Variants in TMC2 observed in about 807,000 individuals in gnomAD.
TMC2 encodes the protein transmembrane channel like 2.
TMC2 carries 102 observed loss-of-function variants against 105.9 expected under a neutral mutation model. That is an observed-to-expected ratio of 0.96 (90% confidence interval 0.82 to 1.14). TMC2 has a LOEUF of 1.14. Among genes scored for constraint, TMC2 ranks in the 50% most tolerant of loss-of-function variants. TMC2 has a pLI of 0.00. For missense variants in TMC2, 1,093 were observed against 1,134.3 expected (o/e 0.96, Z 0.52); for synonymous variants, 402 against 422.8 (o/e 0.95, Z 0.60).
chr20:2,635,823 G>A, intron 17 of TMC2, 103 bp from the exon 18 acceptor site: 1 of 921,538 alleles, frequency 1.1e-6, no homozygotes, highest in South Asian at 1.3e-5. Flanking sequence ...CAAAGCCTCA[G>A]TAACTATTCC....
intron 16 of TMC2, 38 bp from the exon 17 acceptor site, chr20:2,624,233 A>G (rs371044428): frequency 6.2e-7 from 1 of 1,601,700 alleles, no homozygotes; most frequent in South Asian, 1.1e-5. Context: ...CCACAGGCAC[A>G]TGGCAGCATG....
chr20:2,593,116 T>C (rs924245629), intron 8 of TMC2, among the ~76,000 whole-genome samples: 3 of 152,094 alleles, frequency 2.0e-5, no homozygotes, highest in African/African-American at 7.2e-5. Context: ...GCAATCACAG[T>C]GGAAGGCAAA....
chr20:2,593,502 T>C (rs982297845), intron 8 of TMC2, among the ~76,000 whole-genome samples: 6 of 152,192 alleles, frequency 3.9e-5, no homozygotes, highest in African/African-American at 1.4e-4. Flanking sequence ...CTATTGCCAA[T>C]GTACCAATGA....
chr20:2,565,015 C>G (rs771511119), intron 4 of TMC2, among the ~76,000 whole-genome samples: 8 of 152,196 alleles, frequency 5.3e-5, no homozygotes, highest in African/African-American at 1.9e-4. Context: ...TTGTAAGACT[C>G]GGGCCAAGTG....
intron 14 of TMC2, 144 bp downstream of exon 14, chr20:2,613,466 T>C: frequency 8.0e-7 from 1 of 1,247,570 alleles, no homozygotes; most frequent in Non-Finnish European, 1.1e-6. Context: ...AAGTGTTTAA[T>C]TTGTATTTCC....
At chr20:2,538,020 T>C (rs1243903237) in intron 2 of TMC2, among the ~76,000 whole-genome samples, 1 of 151,288 alleles carries the variant, frequency 6.6e-6, no homozygotes. Context: ...TTCTGGGGGG[T>C]TGGAAGAGAT....
chr20:2,588,159 A>G (rs1460878495), intron 7 of TMC2, among the ~76,000 whole-genome samples: 1 of 152,186 alleles, frequency 6.6e-6, no homozygotes, highest in Non-Finnish European at 1.5e-5. Flanking sequence ...TATTCAAAAC[A>G]TGGGAAGGAT....
chr20:2,616,986 AC>A lies in TMC2; in HGVS notation c.1941-83del. On this transcript the variant is annotated intron_variant, in intron 15 of 19. Transcript: ENST00000358864. The surrounding 1 kb of genome is among the most constrained non-coding windows in gnomAD (Gnocchi z 4.8). ...AAAGCAGCTCGGCCTCATGCCCCTAACCCATCCGTCCCATTTCCTTCTATCA... is the reference window on the plus strand; with the variant it reads ...AAAGCAGCTCGGCCTCATGCCCCTAACCATCCGTCCCATTTCCTTCTATCA... 6 of 1,535,238 alleles carry A rather than the reference AC, an allele frequency of 3.9e-6. No homozygotes were observed. Among genetic ancestry groups the A allele is most frequent in the Non-Finnish European group, 5.3e-6 (6 of 1,124,340 alleles).
chr20:2,627,398 G>C (rs1340622298), intron 17 of TMC2, among the ~76,000 whole-genome samples: 2 of 152,176 alleles, frequency 1.3e-5, no homozygotes, highest in Admixed American at 6.5e-5. Context: ...TGAAGAATTG[G>C]TCAATCATTT....
chr20:2,580,954 G>T (rs2086184950), intron 7 of TMC2, among the ~76,000 whole-genome samples: 1 of 152,188 alleles, frequency 6.6e-6, no homozygotes. Context: ...TGCTACAATT[G>T]CTACAGTCCT....
At chr20:2,598,913 G>A (rs1189503561) in intron 10 of TMC2, among the ~76,000 whole-genome samples, 1 of 151,980 alleles carries the variant, frequency 6.6e-6, no homozygotes, top group Non-Finnish European at 1.5e-5. Flanking sequence ...GAGACAGAAA[G>A]TTTCCTGTGT....
chr20:2,610,401 G>A lies in TMC2; in HGVS notation c.1414-18G>A, dbSNP rs752762852. ...GTATAATGTTGATGACACAACGTAGGCTTTCCTGATTCCTCAGGTAGAGAT... is the reference window on the plus strand; with the variant it reads ...GTATAATGTTGATGACACAACGTAGACTTTCCTGATTCCTCAGGTAGAGAT... On this transcript the variant is annotated intron_variant, in intron 11 of 19. Coordinates refer to ENST00000358864, the MANE Select transcript of TMC2 (RefSeq NM_080751.3). 2 of 1,601,358 alleles carry A rather than the reference G, an allele frequency of 1.2e-6. No individual in the cohort carries two copies. The highest frequency in any genetic ancestry group is 1.1e-5 in the South Asian group (1 of 89,518).
chr20:2,542,524 A>T (rs2085896481), intron 2 of TMC2, among the ~76,000 whole-genome samples: 1 of 152,130 alleles, frequency 6.6e-6, no homozygotes. Flanking sequence ...ACATATATCT[A>T]ATTGCCTTCA....
intron 16 of TMC2, among the ~76,000 whole-genome samples, chr20:2,619,438 G>A (rs992104321): frequency 3.3e-5 from 5 of 152,132 alleles, no homozygotes; most frequent in African/African-American, 4.8e-5. Flanking sequence ...TCATGTGGGA[G>A]GCACTCTCAG....
At chr20:2,595,085 A>ATATGCTTTCTGTGCTCATTT in intron 9 of TMC2, 118 bp downstream of exon 9, 1 of 1,176,940 alleles carries the variant, frequency 8.5e-7, no homozygotes, top group Non-Finnish European at 1.2e-6. Flanking sequence ...GGAAATGAGC[A>ATATGCTTTCTGTGCTCATTT]CAGAAAGCAT....
chr20:2,635,877 T>A, intron 17 of TMC2, 49 bp from the exon 18 acceptor site: 3 of 1,496,162 alleles, frequency 2.0e-6, no homozygotes, highest in Non-Finnish European at 2.8e-6. Context: ...CCAGCTCCTA[T>A]CATCTGCCAA....
intron 2 of TMC2, among the ~76,000 whole-genome samples, chr20:2,545,673 A>T (rs1260677887): frequency 7.2e-6 from 1 of 139,694 alleles, no homozygotes; most frequent in Non-Finnish European, 1.6e-5. Flanking sequence ...CAAACAAAAG[A>T]AGAAGAAGAA....
chr20:2,617,803 C>A, intron 16 of TMC2: 1 of 160,400 alleles, frequency 6.2e-6, no homozygotes, highest in Admixed American at 6.0e-5. Flanking sequence ...CTCTGCCTGC[C>A]AGGTTCAAGC....
chr20:2,571,990 A>C (rs2086106826), intron 4 of TMC2, among the ~76,000 whole-genome samples, 189 bp from the exon 5 acceptor site: 1 of 152,090 alleles, frequency 6.6e-6, no homozygotes, highest in Non-Finnish European at 1.5e-5. Context: ...TGTACCTCGC[A>C]CTCTTCTCAG....
Sources: gnomAD v4.1 joint callset for allele counts (sites outside exome capture counted in the v4.1 genomes callset) on GRCh38, gnomAD v4.1.1 for gene constraint, Gnocchi (gnomAD v3.1) non-coding constraint, MANE v1.5 for transcripts, NCBI Gene and HGNC (gene_info 2026-07-23, HGNC 2026-07-21) for gene names.